Variants in ANO3 observed in about 807,000 individuals in gnomAD.
The protein encoded by ANO3 is anoctamin 3.
Under a neutral mutation model 144.8 loss-of-function variants are expected in ANO3, and 99 were observed. That is an observed-to-expected ratio of 0.68 (90% CI 0.58 to 0.81). The LOEUF (loss-of-function observed/expected upper bound fraction) is 0.81. ANO3 is among the 30% of genes least tolerant of loss of function. ANO3 has a pLI of 0.00. For synonymous variants in ANO3, 414 were observed against 392.6 expected (o/e 1.05, Z -0.64); for missense variants, 905 against 1,202.2 (o/e 0.75, Z 3.66).
chr11:26,445,626 T>C (rs1858674742), intron 3 of ANO3, among the ~76,000 whole-genome samples: 1 of 152,092 alleles, frequency 6.6e-6, no homozygotes, highest in South Asian at 2.1e-4. Context: ...TTATTCAAGT[T>C]AGAAAGACAT....
intron 1 of ANO3, among the ~76,000 whole-genome samples, chr11:26,321,201 T>C (rs965402396): frequency 1.3e-5 from 2 of 152,066 alleles, no homozygotes; most frequent in African/African-American, 4.8e-5. Context: ...TCCTACTTGA[T>C]CCCTCCCCAA....
At chr11:26,311,789 G>A (rs1854506446) in intron 1 of ANO3, among the ~76,000 whole-genome samples, 2 of 152,268 alleles carry the variant, frequency 1.3e-5, no homozygotes, top group Middle Eastern at 3.4e-3. Context: ...ATTCATGTGA[G>A]TTTTCTAGGG....
At chr11:26,348,969 G>T (rs372850130) in intron 1 of ANO3, among the ~76,000 whole-genome samples, 43 of 152,294 alleles carry the variant, frequency 2.8e-4, no homozygotes, top group African/African-American at 1.0e-3. Flanking sequence ...AAATTGTTGA[G>T]TTTTTGCTTG....
intron 1 of ANO3, among the ~76,000 whole-genome samples, chr11:26,216,347 G>A (rs1852035629): frequency 6.6e-6 from 1 of 151,830 alleles, no homozygotes; most frequent in African/African-American, 2.4e-5. Flanking sequence ...CACAACCACT[G>A]ATCTTTTTTA....
intron 1 of ANO3, among the ~76,000 whole-genome samples, chr11:26,287,151 T>C (rs927739730): frequency 2.0e-5 from 3 of 152,182 alleles, no homozygotes; most frequent in Non-Finnish European, 4.4e-5. Flanking sequence ...GTGACTAATA[T>C]ATTCTGTTAG....
At chr11:26,328,944 CT>C (rs896878080), upstream of ANO3, among the ~76,000 whole-genome samples, 4 of 151,022 alleles carry the variant, frequency 2.6e-5, no homozygotes, top group Non-Finnish European at 5.9e-5. Context: ...TATTTCTAGG[CT>C]TTTTTTTTCT....
chr11:26,300,569 G>A (rs1854203321), intron 1 of ANO3, among the ~76,000 whole-genome samples: 4 of 152,212 alleles, frequency 2.6e-5, no homozygotes, highest in Admixed American at 2.6e-4. Context: ...CATTATAGAT[G>A]GGGAGACTAA....
Position 26,403,392 on chromosome 11 carries a change from G to C in ANO3, c.47-38526G>C, listed in dbSNP as rs1857198768. On this transcript the variant is annotated intron_variant, in intron 1 of 26. Transcript: ENST00000256737. ...GATACAGAAATTGAGACTCAATTAG[G>C]TTCAAGTATATATACAAAGCCAAAT... is the stretch of plus-strand genomic sequence containing the variant. Among the ~76,000 whole-genome samples, 3 of 151,796 alleles carry C rather than the reference G, an allele frequency of 2.0e-5. No homozygotes were observed. In the Admixed American group the frequency reaches 2.0e-4, roughly 10 times the overall value.
intron 14 of ANO3, among the ~76,000 whole-genome samples, chr11:26,573,669 G>A (rs573259964): frequency 6.6e-6 from 1 of 152,150 alleles, no homozygotes; most frequent in Admixed American, 6.5e-5. Context: ...CGTTTTCACT[G>A]CCATAAAAGT....
chr11:26,304,295 T>A (rs951766324), intron 1 of ANO3, among the ~76,000 whole-genome samples: 2 of 152,264 alleles, frequency 1.3e-5, no homozygotes, highest in Non-Finnish European at 2.9e-5. Context: ...CAATGGCAAA[T>A]GTAGATTGTC....
chr11:26,195,022 C>G (rs575169928), intron 1 of ANO3, among the ~76,000 whole-genome samples: 2 of 152,160 alleles, frequency 1.3e-5, no homozygotes, highest in Non-Finnish European at 2.9e-5. Flanking sequence ...TGTCAGACTG[C>G]AAAGAAAAAC....
At chr11:26,538,164 C>T (rs1849557831) in intron 10 of ANO3, among the ~76,000 whole-genome samples, 1 of 152,128 alleles carries the variant, frequency 6.6e-6, no homozygotes, top group South Asian at 2.1e-4. Context: ...TGAGTACTTG[C>T]TATTGGCAGT....
In ANO3 at chr11:26,237,625, A is replaced by G. The variant is rs1470512326; in HGVS notation, c.154+48295A>G. Reference sequence around the variant, plus strand: ...AATAAGCATTAGCCATAGAAAAATAACAAAATGATGTTATTCTCTGATCTT... The same window carrying G: ...AATAAGCATTAGCCATAGAAAAATAGCAAAATGATGTTATTCTCTGATCTT... On this transcript the variant is annotated intron_variant, in intron 1 of 27. Transcript: ENST00000672621. 3.9e-5 allele frequency among the ~76,000 whole-genome samples: 6 copies of G among 152,158 alleles called. No homozygotes were observed. The South Asian group carries it at 6.2e-4, about 16-fold the overall frequency.
intron 20 of ANO3, among the ~76,000 whole-genome samples, chr11:26,636,327 T>A (rs1433999614): frequency 6.6e-6 from 1 of 152,240 alleles, no homozygotes; most frequent in Non-Finnish European, 1.5e-5. Flanking sequence ...TAAAAAGTGC[T>A]ATGGTTTGTT....
intron 1 of ANO3, among the ~76,000 whole-genome samples, chr11:26,355,851 T>G (rs1855768814): frequency 6.6e-6 from 1 of 152,168 alleles, no homozygotes. Flanking sequence ...TGAGCCACCG[T>G]GCCAAGCCCC....
At chr11:26,467,307 T>C (rs1442864667) in intron 4 of ANO3, among the ~76,000 whole-genome samples, 1 of 151,984 alleles carries the variant, frequency 6.6e-6, no homozygotes, top group Non-Finnish European at 1.5e-5. Flanking sequence ...AATCCAATTA[T>C]ACTCTTTAAA....
chr11:26,370,347 C>T (rs1856214577), intron 1 of ANO3, among the ~76,000 whole-genome samples: 1 of 152,124 alleles, frequency 6.6e-6, no homozygotes, highest in Non-Finnish European at 1.5e-5. Context: ...TTATAAGCTT[C>T]CTGAGGCCTC....
chr11:26,533,153 A>G (rs1462666878), intron 8 of ANO3, among the ~76,000 whole-genome samples: 1 of 152,220 alleles, frequency 6.6e-6, no homozygotes, highest in African/African-American at 2.4e-5. Context: ...GAGTAAAATC[A>G]ATGTATTAAG....
In ANO3 at chr11:26,473,234, T is replaced by C. The variant is rs1186757315; in HGVS notation, c.432+10086T>C. ...CTTCTTAGGTTCAGTGTCTTGTCAG[T>C]TCCAATTACAAGCTGCCCTACAGAG... is the stretch of plus-strand genomic sequence containing the variant. On this transcript the variant is annotated intron_variant, in intron 4 of 26. Transcript: ENST00000256737. Among the ~76,000 whole-genome samples the C allele has an allele frequency of 3.3e-5, 5 of 152,016 alleles. No homozygotes were observed. In the South Asian group the frequency reaches 6.2e-4, roughly 19 times the overall value.
Sources: allele counts gnomAD v4.1 joint callset (sites outside exome capture counted in the v4.1 genomes callset), GRCh38; gene constraint gnomAD v4.1.1; transcripts MANE v1.5; gene names NCBI Gene and HGNC (gene_info 2026-07-23, HGNC 2026-07-21).